The following NRAP variants were observed in gnomAD, a reference collection of about 807,000 sequenced individuals.
NRAP encodes the protein nebulin related anchoring protein.
Under a neutral mutation model 225.9 loss-of-function variants are expected in NRAP, and 189 were observed. The observed-to-expected ratio is 0.84, with a 90% confidence interval of 0.74 to 0.94. The LOEUF is 0.94. Ranked by LOEUF, NRAP falls within the 40% of genes least tolerant of loss-of-function variation. The pLI is 0.00. For missense variants in NRAP, 2,176 were observed against 2,168.7 expected, an observed-to-expected ratio of 1.00 and a Z score of -0.07; for synonymous variants, 769 against 790.7, an observed-to-expected ratio of 0.97 and a Z score of 0.46.
intron 35 of NRAP, among the ~76,000 whole-genome samples, chr10:113,602,960 G>A (rs1413657930): frequency 6.6e-6 from 1 of 152,214 alleles, no homozygotes; most frequent in Non-Finnish European, 1.5e-5. Flanking sequence ...GACCACGGAT[G>A]TTACTAAATA....
Position 113,626,125 on chromosome 10 carries a change from G to C in NRAP, c.2166C>G (p.Val722=). Residue 722 remains valine, a synonymous_variant, in exon 21 of 42, where the codon GTC becomes GTG. Transcript: ENST00000359988. ...LVSEKNYRQR[V]DELKFTSVTD... is the part of the protein sequence containing the mutation. ...TCACGCTGGTGAACTTCAGCTCATC[G>C]ACCCTCTGCCGGTAGTTTTTCTGTT... 6.2e-7 allele frequency: 1 copy of C among 1,609,176 alleles called. No homozygotes were observed. The highest frequency in any genetic ancestry group is 8.5e-7 in the Non-Finnish European group (1 of 1,177,930).
chr10:113,629,739 AG>A lies in NRAP; in HGVS notation c.1888del (p.Leu630CysfsTer6). 6.8e-6 allele frequency: 11 copies of A among 1,614,062 alleles called. No homozygotes were observed. Among genetic ancestry groups the A allele is most frequent in the Non-Finnish European group, 8.5e-6 (10 of 1,179,902 alleles). On this transcript the variant is annotated frameshift_variant, in exon 19 of 42. Transcript: ENST00000359988. LOFTEE classifies it high-confidence loss of function. ...CCTGATGTTTACCATATCCATGGGC[AG>A]GTGAAACCGGGTCTTACTCTCTTCA... is the stretch of plus-strand genomic sequence containing the variant. ...GFEESKTRFHLPMDMVNIRHA... is the reference protein window; with the variant it reads ...GFEESKTRFHXPMDMVNIRHA...
At chr10:113,603,594 T>C (rs1171727794) in intron 35 of NRAP, among the ~76,000 whole-genome samples, 2 of 151,914 alleles carry the variant, frequency 1.3e-5, no homozygotes, top group Non-Finnish European at 2.9e-5. Context: ...CGGCGGTGGT[T>C]ACAGTCTTAT....
Position 113,662,780 on chromosome 10 carries a change from G to A in NRAP, c.168-14C>T. The A allele has an allele frequency of 7.2e-7, 1 of 1,388,086 alleles. No homozygotes were observed. The highest frequency in any genetic ancestry group is 1.0e-6 in the Non-Finnish European group (1 of 983,850). 86.0% of individuals were successfully genotyped at this position (1,388,086 alleles called of 1,614,324 possible). On this transcript the variant is annotated splice_polypyrimidine_tract_variant and intron_variant, in intron 2 of 41. Coordinates refer to ENST00000359988, the MANE Select transcript of NRAP (RefSeq NM_198060.4). ...TTAGGGTTATGGCTACAACAAATAG[G>A]TATAAATCAAAATTAGAAATGTACT...
At chr10:113,645,800 G>C in intron 11 of NRAP, 25 bp downstream of exon 11, 1 of 1,140,704 alleles carries the variant, frequency 8.8e-7, no homozygotes, top group Non-Finnish European at 1.3e-6. Flanking sequence ...GATGCTCATG[G>C]GTGTGACTCT....
chr10:113,660,338 A>T (rs1289011610), intron 3 of NRAP, among the ~76,000 whole-genome samples: 1 of 152,022 alleles, frequency 6.6e-6, no homozygotes, highest in East Asian at 1.9e-4. Context: ...TCACACCTAC[A>T]TACACACATA....
intron 4 of NRAP, 49 bp downstream of exon 4, chr10:113,657,421 A>T: frequency 1.1e-6 from 1 of 916,032 alleles, no homozygotes; most frequent in Non-Finnish European, 1.8e-6. Context: ...CAATTGACAT[A>T]GTATGTCATT....
chr10:113,639,681 C>T (rs1015999674), intron 14 of NRAP, among the ~76,000 whole-genome samples: 2 of 152,188 alleles, frequency 1.3e-5, no homozygotes, highest in South Asian at 4.1e-4. Flanking sequence ...AATCAGGAAA[C>T]AAGAAATTTA....
intron 23 of NRAP, 52 bp downstream of exon 23, chr10:113,623,477 T>C (rs377388905): frequency 8.7e-6 from 10 of 1,150,598 alleles, no homozygotes; most frequent in Admixed American, 1.8e-5. Context: ...ATCTCCCCGG[T>C]ATAAAAAGGC....
intron 5 of NRAP, among the ~76,000 whole-genome samples, chr10:113,653,812 C>T (rs1266313228): frequency 6.6e-6 from 1 of 152,178 alleles, no homozygotes; most frequent in South Asian, 2.1e-4. Context: ...ATTTCTAGTT[C>T]CTGCCCTACA....
intron 11 of NRAP, among the ~76,000 whole-genome samples, chr10:113,644,073 G>A (rs1157067709): frequency 6.7e-6 from 1 of 148,374 alleles, no homozygotes; most frequent in Non-Finnish European, 1.5e-5. Flanking sequence ...GCTTGACGTG[G>A]GAGGTGGAGG....
At chr10:113,646,066 A>G in intron 10 of NRAP, 125 bp from the exon 11 acceptor site, 1 of 571,476 alleles carries the variant, frequency 1.7e-6, no homozygotes, top group Non-Finnish European at 3.1e-6. Context: ...AAAGAAAAAA[A>G]AATTCACATG....
chr10:113,617,934 A>C (rs1440484097), intron 25 of NRAP, among the ~76,000 whole-genome samples: 2 of 152,172 alleles, frequency 1.3e-5, no homozygotes, highest in Non-Finnish European at 2.9e-5. Flanking sequence ...ACATTTATCC[A>C]TTTAAGCTTT....
intron 9 of NRAP, among the ~76,000 whole-genome samples, chr10:113,648,827 A>T (rs577692578): frequency 2.8e-4 from 42 of 152,330 alleles, no homozygotes; most frequent in African/African-American, 9.4e-4. Flanking sequence ...ATCAAGAACC[A>T]GCTATGATAC....
intron 33 of NRAP, 54 bp from the exon 34 acceptor site, chr10:113,605,923 C>T: frequency 7.9e-7 from 1 of 1,260,216 alleles, no homozygotes; most frequent in Non-Finnish European, 1.2e-6. Flanking sequence ...AATCAACGAG[C>T]AAAGGCCACC....
At position 113,613,646 on chromosome 10, in the gene NRAP, C is replaced by T. The variant is rs545122581; in HGVS notation, c.3300+537G>A. Among the ~76,000 whole-genome samples, 8 of 152,180 alleles carry T rather than the reference C, an allele frequency of 5.3e-5. No individual in the cohort carries two copies. In the East Asian group the frequency reaches 5.8e-4, roughly 11 times the overall value. ...ATGACAGGGTCATTGCAAACTCAGA[C>T]GCCTACAGGGGCCAGGCAGGTAGCA... is the stretch of plus-strand genomic sequence containing the variant. On this transcript the variant is annotated intron_variant, in intron 29 of 41. Coordinates refer to ENST00000359988, the MANE Select transcript of NRAP (RefSeq NM_198060.4).
Position 113,620,690 on chromosome 10 carries a change from C to T in NRAP, c.2788G>A (p.Val930Met), listed in dbSNP as rs756103682. Residue 930 changes from valine (V) to methionine (M), a missense_variant, in exon 25 of 42, where the codon GTG (valine) becomes ATG (methionine). Coordinates refer to ENST00000359988, the MANE Select transcript of NRAP (RefSeq NM_198060.4). ...CAGCCCATGCCTTTCATCCACTTCACATCTGCCCTGTATTGGTTCTGACAA... is the reference window on the plus strand; with the variant it reads ...CAGCCCATGCCTTTCATCCACTTCATATCTGCCCTGTATTGGTTCTGACAA... ...LQSDNQYRAD[V>M]KWMKGMGWVA... is the part of the protein sequence containing the mutation. The T allele has an allele frequency of 4.5e-5, 73 of 1,610,368 alleles. 2 individuals are homozygous for T. Among genetic ancestry groups the T allele is most frequent in the Non-Finnish European group, 1.0e-5 (12 of 1,177,436 alleles).
At chr10:113,611,520 G>A (rs1847321305) in intron 30 of NRAP, among the ~76,000 whole-genome samples, 1 of 152,208 alleles carries the variant, frequency 6.6e-6, no homozygotes, top group South Asian at 2.1e-4. Flanking sequence ...TTGGGAGTGA[G>A]GAAGTCTCCA....
chr10:113,610,090 C>T (rs1362655485), intron 31 of NRAP, among the ~76,000 whole-genome samples: 1 of 152,106 alleles, frequency 6.6e-6, no homozygotes, highest in Non-Finnish European at 1.5e-5. Flanking sequence ...TGGCTCACGC[C>T]TGTAATCCCA....
Sources: gnomAD v4.1 joint callset for allele counts (sites outside exome capture counted in the v4.1 genomes callset) on GRCh38, gnomAD v4.1.1 for gene constraint, MANE v1.5 for transcripts, NCBI Gene and HGNC (gene_info 2026-07-23, HGNC 2026-07-21) for gene names.